The following RNF180 variants were observed in gnomAD, a reference collection of about 807,000 sequenced individuals.
RNF180 encodes ring finger protein 180, also known as E3 ubiquitin-protein ligase RNF180.
In RNF180, 38 loss-of-function variants were observed where a neutral mutation model predicts 59.2. That is an observed-to-expected ratio of 0.64 (90% CI 0.50 to 0.84). The LOEUF is 0.84. RNF180 is among the 40% of genes least tolerant of loss of function. The pLI is 0.00. For synonymous variants in RNF180, 262 were observed against 240.3 expected (o/e 1.09, Z -0.84); for missense variants, 705 against 700.9 (o/e 1.01, Z -0.07).
chr5:64,175,196 A>G (rs572430687), intron 1 of RNF180, among the ~76,000 whole-genome samples: 2 of 151,978 alleles, frequency 1.3e-5, no homozygotes, highest in East Asian at 3.9e-4. Flanking sequence ...TGAACTCCCA[A>G]CTTCGGGTGA....
intron 5 of RNF180, among the ~76,000 whole-genome samples, chr5:64,249,199 C>T (rs756254465): frequency 1.3e-5 from 2 of 152,020 alleles, no homozygotes; most frequent in African/African-American, 4.8e-5. Flanking sequence ...ATGTGTATAG[C>T]TATGTAACAA....
At chr5:64,331,015 C>A (rs1252218328) in intron 7 of RNF180, among the ~76,000 whole-genome samples, 2 of 152,234 alleles carry the variant, frequency 1.3e-5, no homozygotes, top group Non-Finnish European at 2.9e-5. Context: ...GGCACCCACT[C>A]CAATTTCACA....
At chr5:64,343,887 A>G (rs996038730) in intron 7 of RNF180, among the ~76,000 whole-genome samples, 2 of 151,732 alleles carry the variant, frequency 1.3e-5, no homozygotes, top group African/African-American at 4.8e-5. Context: ...CTGGAAGCAC[A>G]GAACTTTAGC....
At chr5:64,185,866 G>A (rs984286895) in intron 1 of RNF180, among the ~76,000 whole-genome samples, 5 of 152,208 alleles carry the variant, frequency 3.3e-5, no homozygotes, top group Admixed American at 2.0e-4. Context: ...ATAAGTAACA[G>A]ATGAACAAAG....
Position 64,359,980 on chromosome 5 carries a change from G to C in RNF180, c.1580-9635G>C, listed in dbSNP as rs563212112. On this transcript the variant is annotated intron_variant, in intron 7 of 7. Transcript: ENST00000389100. ...GCCTTATTTCTGAGGGCTCTGTTCT[G>C]TTCCATTGATCTATATCTCTGTTTT... Among the ~76,000 whole-genome samples, 62 of 151,918 alleles carry C rather than the reference G, an allele frequency of 4.1e-4. 1 individual carries two copies. The highest frequency in any genetic ancestry group is 1.5e-4 in the Non-Finnish European group (10 of 67,952).
intron 2 of RNF180, among the ~76,000 whole-genome samples, chr5:64,204,188 T>A (rs1373462055): frequency 6.6e-6 from 1 of 152,210 alleles, no homozygotes; most frequent in African/African-American, 2.4e-5. Context: ...TTAGGATCTC[T>A]AAAGTCTTGT....
chr5:64,330,433 A>T (rs1158414914), intron 7 of RNF180, 27 bp downstream of exon 7: 36 of 1,523,428 alleles, frequency 2.4e-5, no homozygotes, highest in Admixed American at 4.9e-5. Flanking sequence ...CCAAAAAAAA[A>T]GTCTGGTAAT....
intron 1 of RNF180, among the ~76,000 whole-genome samples, chr5:64,194,544 G>A (rs1459794803): frequency 6.6e-6 from 1 of 152,096 alleles, no homozygotes; most frequent in African/African-American, 2.4e-5. Context: ...TGGGTCAAAT[G>A]GTATTTCTAG....
chr5:64,340,518 A>G (rs1199013087), intron 7 of RNF180, among the ~76,000 whole-genome samples: 1 of 152,222 alleles, frequency 6.6e-6, no homozygotes, highest in Non-Finnish European at 1.5e-5. Flanking sequence ...AAAACAGTAC[A>G]TGCTCACACA....
At chr5:64,292,910 C>G (rs1336747197) in intron 5 of RNF180, among the ~76,000 whole-genome samples, 1 of 152,204 alleles carries the variant, frequency 6.6e-6, no homozygotes, top group Non-Finnish European at 1.5e-5. Context: ...TGGCCACAAT[C>G]TGGCACAGCA....
rs970411890 is a variant in RNF180, at chr5:64,370,756, T to C, written c.*942T>C. ...ATTTAAAAATAAGAGAACTGAATCA[T>C]TAGAACATGGAATTGGGGCAGGTAA... On this transcript the variant is annotated 3_prime_UTR_variant, in exon 8 of 8. Coordinates refer to ENST00000389100, the MANE Select transcript of RNF180 (RefSeq NM_001113561.2). 6.6e-6 allele frequency: 1 copy of C among 151,622 alleles called. No individual in the cohort carries two copies. The highest frequency in any genetic ancestry group is 1.5e-5 in the Non-Finnish European group (1 of 67,742). 9.4% of individuals were successfully genotyped at this position (151,622 alleles called of 1,614,324 possible).
In RNF180 at chr5:64,327,547, G is replaced by A. The variant is rs76615544; in HGVS notation, c.1453+2136G>A. On this transcript the variant is annotated intron_variant, in intron 6 of 7. Coordinates refer to ENST00000389100, the MANE Select transcript of RNF180 (RefSeq NM_001113561.2). Reference sequence around the variant, plus strand: ...TCTTTCTTCATACATTTGTCATTCAGGAGCATATTGTTCAATGTCCACATA... The same window carrying A: ...TCTTTCTTCATACATTTGTCATTCAAGAGCATATTGTTCAATGTCCACATA... Among the ~76,000 whole-genome samples, 4 of 152,124 alleles carry A rather than the reference G, an allele frequency of 2.6e-5. No homozygotes were observed. The East Asian group carries it at 7.7e-4, about 29-fold the overall frequency.
chr5:64,271,201 A>T (rs1741376323), intron 5 of RNF180, among the ~76,000 whole-genome samples: 2 of 152,086 alleles, frequency 1.3e-5, no homozygotes, highest in Non-Finnish European at 1.5e-5. Flanking sequence ...TTATTGCATT[A>T]AATAAAAATC....
intron 7 of RNF180, among the ~76,000 whole-genome samples, chr5:64,354,723 A>G (rs1745949642): frequency 6.6e-6 from 1 of 151,960 alleles, no homozygotes; most frequent in African/African-American, 2.4e-5. Flanking sequence ...ATAGCATATT[A>G]AAAGGATTTT....
intron 5 of RNF180, among the ~76,000 whole-genome samples, chr5:64,249,908 A>C (rs984435912): frequency 1.1e-4 from 16 of 152,150 alleles, no homozygotes; most frequent in African/African-American, 3.9e-4. Context: ...TCAGCAAAGG[A>C]CAGATCATCC....
chr5:64,246,346 A>G (rs1743161834), intron 5 of RNF180, among the ~76,000 whole-genome samples: 1 of 152,184 alleles, frequency 6.6e-6, no homozygotes, highest in African/African-American at 2.4e-5. Flanking sequence ...TGAAAAGATT[A>G]ACAAAATAGA....
chr5:64,226,347 G>A (rs1741755119), intron 5 of RNF180, among the ~76,000 whole-genome samples: 1 of 152,154 alleles, frequency 6.6e-6, no homozygotes, highest in Non-Finnish European at 1.5e-5. Context: ...GGATGCTGTT[G>A]ATCTATAACC....
chr5:64,273,315 AATAACC>A (rs1741525292), intron 5 of RNF180, among the ~76,000 whole-genome samples: 2 of 151,972 alleles, frequency 1.3e-5, no homozygotes, highest in Admixed American at 1.3e-4. Flanking sequence ...GTAATCAAGA[AATAACC>A]ATAAAAATAG....
chr5:64,171,443 A>G (rs954500461), intron 1 of RNF180, among the ~76,000 whole-genome samples: 1 of 152,164 alleles, frequency 6.6e-6, no homozygotes, highest in Non-Finnish European at 1.5e-5. Flanking sequence ...CAGAGAACAT[A>G]TAGACTATAA....
Sources: gnomAD v4.1 joint callset for allele counts (sites outside exome capture counted in the v4.1 genomes callset) on GRCh38, gnomAD v4.1.1 for gene constraint, MANE v1.5 for transcripts, NCBI Gene and HGNC (gene_info 2026-07-23, HGNC 2026-07-21) for gene names.